Variants in TMEM181 observed in about 807,000 individuals in gnomAD.
TMEM181 encodes the protein G protein-coupled receptor 178.
TMEM181 carries 39 observed loss-of-function variants against 71.9 expected under a neutral mutation model. The ratio of observed to expected loss-of-function variants is 0.54; its 90% CI spans 0.42 to 0.71. TMEM181 has a LOEUF of 0.71. Among genes scored for constraint, TMEM181 ranks in the 30% least tolerant of loss-of-function variants. TMEM181 has a pLI of 0.00. For missense variants in TMEM181, 595 were observed against 583.0 expected (o/e 1.02, Z -0.21); for synonymous variants, 245 against 228.8 (o/e 1.07, Z -0.64).
chr6:158,602,423 C>A (rs1396718588), intron 6 of TMEM181, among the ~76,000 whole-genome samples: 1 of 152,108 alleles, frequency 6.6e-6, no homozygotes, highest in Non-Finnish European at 1.5e-5. Context: ...AATGGTTGGG[C>A]CATGTGGTTA....
chr6:158,604,673 T>C (rs907396549), intron 6 of TMEM181, among the ~76,000 whole-genome samples: 2 of 152,368 alleles, frequency 1.3e-5, no homozygotes, highest in East Asian at 3.9e-4. Context: ...AAGGTTTTAC[T>C]TAAACTTTGT....
At chr6:158,594,204 T>A (rs1013533353) in intron 6 of TMEM181, among the ~76,000 whole-genome samples, 3 of 151,454 alleles carry the variant, frequency 2.0e-5, no homozygotes, top group African/African-American at 7.3e-5. Flanking sequence ...GTTCAAGTGA[T>A]TCTCATACCT....
At chr6:158,611,947 C>A (rs1312915842) in intron 10 of TMEM181, among the ~76,000 whole-genome samples, 2 of 149,808 alleles carry the variant, frequency 1.3e-5, no homozygotes, top group Non-Finnish European at 1.5e-5. Flanking sequence ...TGTGTCTGTT[C>A]CCATACAACT....
intron 2 of TMEM181, among the ~76,000 whole-genome samples, chr6:158,578,851 C>G (rs950678032): frequency 6.6e-6 from 1 of 152,214 alleles, no homozygotes; most frequent in African/African-American, 2.4e-5. Context: ...GAGACTCACT[C>G]TAGATCCAAA....
At chr6:158,552,300 T>C (rs1445438285) in intron 1 of TMEM181, among the ~76,000 whole-genome samples, 7 of 152,334 alleles carry the variant, frequency 4.6e-5, no homozygotes, top group Admixed American at 1.3e-4. Flanking sequence ...CTTTTCCTTA[T>C]GGGAAGCCCA....
At chr6:158,556,164 C>G (rs1171716315), upstream of TMEM181, among the ~76,000 whole-genome samples, 1 of 152,128 alleles carries the variant, frequency 6.6e-6, no homozygotes, top group Non-Finnish European at 1.5e-5. Flanking sequence ...TGTAAGGCAG[C>G]CTTATAACCA....
At chr6:158,543,749 C>T (rs1326639644) in intron 1 of TMEM181, among the ~76,000 whole-genome samples, 1 of 152,222 alleles carries the variant, frequency 6.6e-6, no homozygotes, top group Non-Finnish European at 1.5e-5. Context: ...GCTTGCTCGT[C>T]TGCCAAGGCC....
chr6:158,559,948 C>T, upstream of TMEM181: 1 of 597,452 alleles, frequency 1.7e-6, no homozygotes, highest in Non-Finnish European at 2.1e-6. Flanking sequence ...GTGCTCCCGG[C>T]CGTGGGGCTC....
At chr6:158,631,419 C>T in intron 16 of TMEM181, 30 bp downstream of exon 16, 1 of 1,610,004 alleles carries the variant, frequency 6.2e-7, no homozygotes, top group East Asian at 2.2e-5. Context: ...AAGGCCGGCA[C>T]ACCTTGGGCA....
At chr6:158,573,047 T>C (rs904675633) in intron 1 of TMEM181, among the ~76,000 whole-genome samples, 2 of 151,964 alleles carry the variant, frequency 1.3e-5, no homozygotes, top group African/African-American at 4.8e-5. Context: ...CGTGTGTGTA[T>C]GTATGTGTGT....
At chr6:158,616,655 T>C (rs1167342743) in intron 10 of TMEM181, among the ~76,000 whole-genome samples, 1 of 152,194 alleles carries the variant, frequency 6.6e-6, no homozygotes, top group Non-Finnish European at 1.5e-5. Flanking sequence ...TTGAGATACG[T>C]CCCATCAACA....
At position 158,553,770 on chromosome 6, in the gene TMEM181, T is replaced by C. The variant is rs1465084462; in HGVS notation, c.131+16905T>C. On this transcript the variant is annotated intron_variant, in intron 1 of 16. Transcript: ENST00000367090. ...AAAGACATTCTTAAGTCACATGAAC[T>C]AAAACGCATTCGGGTTAATTAATAT... Among the ~76,000 whole-genome samples the C allele has an allele frequency of 3.9e-5, 6 of 152,244 alleles. No homozygotes were observed. In the East Asian group the frequency reaches 1.2e-3, roughly 29 times the overall value.
intron 1 of TMEM181, among the ~76,000 whole-genome samples, chr6:158,568,067 G>A (rs1466126144): frequency 6.6e-6 from 1 of 152,100 alleles, no homozygotes; most frequent in Non-Finnish European, 1.5e-5. Flanking sequence ...TGAACAGTGG[G>A]ACTGGCGTGC....
At chr6:158,560,332 G>T in intron 1 of TMEM181, 100 bp downstream of exon 1, 4 of 984,634 alleles carry the variant, frequency 4.1e-6, no homozygotes, top group Non-Finnish European at 3.6e-6. Context: ...AGGGTCCCTG[G>T]CGCCCACGTG....
intron 10 of TMEM181, among the ~76,000 whole-genome samples, chr6:158,612,786 A>C (rs918914356): frequency 6.6e-6 from 1 of 152,270 alleles, no homozygotes; most frequent in African/African-American, 2.4e-5. Context: ...ATAGTAATTA[A>C]GCAAAATGCT....
intron 6 of TMEM181, 135 bp from the exon 7 acceptor site, chr6:158,605,132 G>A (rs201817950): frequency 5.8e-4 from 33 of 56,770 alleles, no homozygotes; most frequent in East Asian, 1.3e-3. Flanking sequence ...AAAAAAAAAA[G>A]TGTGTGTGTG....
Position 158,587,632 on chromosome 6 carries a change from C to CT in TMEM181, c.382-2025dup, listed in dbSNP as rs566949570. Among the ~76,000 whole-genome samples, 617 of 141,552 alleles carry CT rather than the reference C, an allele frequency of 4.4e-3. 2 individuals carry two copies. Among genetic ancestry groups the CT allele is most frequent in the South Asian group, 0.012 (53 of 4,410 alleles). 92.9% of individuals were successfully genotyped at this position (141,552 alleles called of 152,430 possible). ...GGTGTGCACCACCGTGCCTGGCTTC[C>CT]TTTTTTTTTTTTTTTCTACTGTAAA... is the stretch of plus-strand genomic sequence containing the variant. On this transcript the variant is annotated intron_variant, in intron 5 of 16. Coordinates refer to ENST00000684151, the MANE Select transcript of TMEM181 (RefSeq NM_001376852.1).
intron 1 of TMEM181, chr6:158,572,272 C>T (rs1719246223): frequency 1.0e-5 from 4 of 390,724 alleles, no homozygotes; most frequent in Non-Finnish European, 2.1e-5. Context: ...AGCTTTGGAC[C>T]GTGAAGCCAG....
intron 6 of TMEM181, among the ~76,000 whole-genome samples, chr6:158,594,457 C>T (rs2128308122): frequency 6.6e-6 from 1 of 152,174 alleles, no homozygotes; most frequent in African/African-American, 2.4e-5. Context: ...GTAATTTTTT[C>T]AGATTGACTT....
Sources: gnomAD v4.1 joint callset for allele counts (sites outside exome capture counted in the v4.1 genomes callset) on GRCh38, gnomAD v4.1.1 for gene constraint, MANE v1.5 for transcripts, NCBI Gene and HGNC (gene_info 2026-07-23, HGNC 2026-07-21) for gene names.